GREM2: variants seen among roughly 807,000 people sequenced by gnomAD.
The protein encoded by GREM2 is gremlin 2, DAN family BMP antagonist.
A neutral mutation model predicts 14.2 loss-of-function variants in GREM2; 11 were observed. That is an observed-to-expected ratio of 0.78 (90% CI 0.49 to 1.28). The LOEUF is 1.28. Ranked by LOEUF, GREM2 falls within the 50% of genes most tolerant of loss-of-function variation. GREM2 has a pLI of 0.00. For missense variants in GREM2, 210 were observed against 218.5 expected (o/e 0.96, Z 0.24); for synonymous variants, 98 against 97.6 (o/e 1.00, Z -0.02).
intron 1 of GREM2, chr1:240,531,716 T>C (rs74803052): frequency 1.9e-4 from 6 of 31,776 alleles, no homozygotes; most frequent in African/African-American, 1.0e-3. Flanking sequence ...TTCTTCTTCT[T>C]TTTTTTTTTT....
In GREM2 at chr1:240,492,190, GTGATAA is replaced by G. The variant is rs778244905; in HGVS notation, c.*773_*778del. The G allele has an allele frequency of 2.2e-6, 1 of 452,248 alleles. No individual in the cohort carries two copies. The allele number at this position is 452,248 out of a possible 1,614,324, so 28.0% of individuals were successfully genotyped here. A position where few individuals can be genotyped will look rare whatever the true frequency, so the allele number is the denominator to read the frequency against. ...AGCGTTAATATAGAGACCTTTGTGT[GTGATAA>G]TATTCTAATTGCAGCAATAATAGCA... On this transcript the variant is annotated 3_prime_UTR_variant, in exon 2 of 2. Coordinates refer to ENST00000318160, the MANE Select transcript of GREM2 (RefSeq NM_022469.4).
At position 240,587,298 on chromosome 1, in the gene GREM2, C is replaced by A. The variant is rs1185632231; in HGVS notation, c.-2+24586G>T. Reference sequence around the variant, plus strand: ...AATATGTAACTTGCATTTTCACTTTCTTTTCTTTCTTTTTTTCTTTTTTCT... The same window carrying A: ...AATATGTAACTTGCATTTTCACTTTATTTTCTTTCTTTTTTTCTTTTTTCT... On this transcript the variant is annotated intron_variant, in intron 1 of 1. Coordinates refer to ENST00000318160, the MANE Select transcript of GREM2 (RefSeq NM_022469.4). Among the ~76,000 whole-genome samples, 3 of 151,630 alleles carry A rather than the reference C, an allele frequency of 2.0e-5. No individual in the cohort carries two copies. The East Asian group carries it at 5.8e-4, about 30-fold the overall frequency.
intron 1 of GREM2, chr1:240,530,597 CAT>C (rs1302998869): frequency 6.6e-6 from 1 of 152,178 alleles, no homozygotes; most frequent in African/African-American, 2.4e-5. Flanking sequence ...AAAGGAATTA[CAT>C]AGAGTTATAA....
At chr1:240,539,675 T>G (rs1206480644) in intron 1 of GREM2, among the ~76,000 whole-genome samples, 1 of 152,304 alleles carries the variant, frequency 6.6e-6, no homozygotes, top group East Asian at 1.9e-4. Context: ...GACTTGGAGC[T>G]AATAGTAGGT....
chr1:240,551,008 A>C (rs1457050323), intron 1 of GREM2, among the ~76,000 whole-genome samples: 1 of 152,332 alleles, frequency 6.6e-6, no homozygotes, highest in Non-Finnish European at 1.5e-5. Context: ...ATGGCCTAAA[A>C]GAACTCATTT....
chr1:240,598,963 T>C (rs1413854819), intron 1 of GREM2, among the ~76,000 whole-genome samples: 1 of 151,990 alleles, frequency 6.6e-6, no homozygotes, highest in Non-Finnish European at 1.5e-5. Flanking sequence ...ATCCATCCAC[T>C]GATTCATTCA....
rs964019964 is a variant in GREM2, at chr1:240,491,915, A to G, written c.*1054T>C. 6.0e-6 allele frequency: 1 copy of G among 167,190 alleles called. No homozygotes were observed. The highest frequency in any genetic ancestry group is 2.4e-5 in the African/African-American group (1 of 42,104). The allele number at this position is 167,190 out of a possible 1,614,324, so 10.4% of individuals were successfully genotyped here. A position where few individuals can be genotyped will look rare whatever the true frequency, so the allele number is the denominator to read the frequency against. Reference sequence around the variant, plus strand: ...CTACATTGTGCTGCAATGCTTAGTAACGTCAGTGAAATAGTATTCAAAGTA... The same window carrying G: ...CTACATTGTGCTGCAATGCTTAGTAGCGTCAGTGAAATAGTATTCAAAGTA... On this transcript the variant is annotated 3_prime_UTR_variant, in exon 2 of 2. Coordinates refer to ENST00000318160, the MANE Select transcript of GREM2 (RefSeq NM_022469.4).
chr1:240,546,592 T>A (rs893315127), intron 1 of GREM2, among the ~76,000 whole-genome samples: 2 of 152,188 alleles, frequency 1.3e-5, no homozygotes, highest in African/African-American at 4.8e-5. Context: ...GTTGTTAGAT[T>A]GAACTAAATT....
intron 1 of GREM2, among the ~76,000 whole-genome samples, chr1:240,599,502 G>C (rs1213478369): frequency 1.3e-5 from 2 of 152,136 alleles, no homozygotes; most frequent in African/African-American, 4.8e-5. Context: ...AGCTCTGGAT[G>C]GACACACTCA....
At chr1:240,514,440 A>G (rs1677905195) in intron 1 of GREM2, among the ~76,000 whole-genome samples, 1 of 151,640 alleles carries the variant, frequency 6.6e-6, no homozygotes, top group African/African-American at 2.4e-5. Flanking sequence ...TGAAAAACTC[A>G]GGTTTTCTAA....
At chr1:240,602,069 C>T (rs1679935666) in intron 1 of GREM2, among the ~76,000 whole-genome samples, 1 of 152,116 alleles carries the variant, frequency 6.6e-6, no homozygotes, top group Admixed American at 6.6e-5. Context: ...ATGAAGGATA[C>T]ACTTGTAGGA....
Position 240,540,836 on chromosome 1 carries a change from C to T in GREM2, c.-1-47360G>A, listed in dbSNP as rs1678571783. The stretch of plus-strand genomic sequence containing the variant: ...TCGGCCTCCCAAAGTGCTGGGATTA[C>T]AGGTGTGAGCCACCACGCCAGGCCG... On this transcript the variant is annotated intron_variant, in intron 1 of 1. Coordinates refer to ENST00000318160, the MANE Select transcript of GREM2 (RefSeq NM_022469.4). This position sits in a 1 kb window ranked among gnomAD's most constrained non-coding sequence, Gnocchi z 4.2. 6.6e-6 allele frequency among the ~76,000 whole-genome samples: 1 copy of T among 152,158 alleles called. No individual in the cohort carries two copies. The highest frequency in any genetic ancestry group is 1.5e-5 in the Non-Finnish European group (1 of 68,038).
intron 1 of GREM2, among the ~76,000 whole-genome samples, chr1:240,508,590 C>G (rs915085619): frequency 6.6e-6 from 1 of 152,196 alleles, no homozygotes; most frequent in African/African-American, 2.4e-5. Context: ...TTGTTAACAT[C>G]AAACAGAACC....
At position 240,490,015 on chromosome 1, in the gene GREM2, G is replaced by A. The variant is rs1677211383; in HGVS notation, c.*2954C>T. ...GGAGTTTTCTTAAATGGCAGATTAAGTCAATTAATAGAAAAATGGAGATGC... is the reference window on the plus strand; with the variant it reads ...GGAGTTTTCTTAAATGGCAGATTAAATCAATTAATAGAAAAATGGAGATGC... On this transcript the variant is annotated 3_prime_UTR_variant, in exon 2 of 2. Coordinates refer to ENST00000318160, the MANE Select transcript of GREM2 (RefSeq NM_022469.4). 6.6e-6 allele frequency: 1 copy of A among 152,184 alleles called. No homozygotes were observed. The allele number at this position is 152,184 out of a possible 1,614,324, so 9.4% of individuals were successfully genotyped here. A position where few individuals can be genotyped will look rare whatever the true frequency, so the allele number is the denominator to read the frequency against.
chr1:240,529,803 A>G (rs1436228475), intron 1 of GREM2, among the ~76,000 whole-genome samples: 1 of 152,176 alleles, frequency 6.6e-6, no homozygotes, highest in African/African-American at 2.4e-5. Context: ...TAATCCCTTT[A>G]GATTCCCAGG....
intron 1 of GREM2, among the ~76,000 whole-genome samples, chr1:240,564,939 C>A (rs917603609): frequency 2.4e-4 from 36 of 152,274 alleles, no homozygotes; most frequent in African/African-American, 8.7e-4. Context: ...GGTAACTCAG[C>A]CTTCCAGGAC....
chr1:240,554,418 A>G (rs999933085), intron 1 of GREM2, among the ~76,000 whole-genome samples: 3 of 151,978 alleles, frequency 2.0e-5, no homozygotes, highest in African/African-American at 7.2e-5. Flanking sequence ...TCTCGAAAAA[A>G]AAAAAAAAAG....
intron 1 of GREM2, among the ~76,000 whole-genome samples, chr1:240,520,106 A>ATAAAG (rs1488584543): frequency 6.6e-6 from 1 of 152,014 alleles, no homozygotes; most frequent in Admixed American, 6.6e-5. Flanking sequence ...ATAAAATAAA[A>ATAAAG]TAAAATAAAA....
At chr1:240,528,759 G>A (rs1018024698) in intron 1 of GREM2, among the ~76,000 whole-genome samples, 3 of 152,166 alleles carry the variant, frequency 2.0e-5, no homozygotes, top group African/African-American at 7.2e-5. Context: ...CCAGGGAAAT[G>A]ATGAACAGCC....
Sources: gnomAD v4.1 joint callset for allele counts (sites outside exome capture counted in the v4.1 genomes callset) on GRCh38, gnomAD v4.1.1 for gene constraint, Gnocchi (gnomAD v3.1) non-coding constraint, MANE v1.5 for transcripts, NCBI Gene and HGNC (gene_info 2026-07-23, HGNC 2026-07-21) for gene names.